TSPAN14: variants seen among roughly 807,000 people sequenced by gnomAD.
TSPAN14 encodes the protein tetraspanin-14.
TSPAN14 carries 16 observed loss-of-function variants against 36.6 expected under a neutral mutation model. That is an observed-to-expected ratio of 0.44 (90% CI 0.30 to 0.66). The LOEUF (loss-of-function observed/expected upper bound fraction) is 0.66, where lower values mean the gene tolerates loss of function less well. Among genes scored for constraint, TSPAN14 ranks in the 30% least tolerant of loss-of-function variants. TSPAN14 has a pLI of 0.12. For synonymous variants in TSPAN14, 139 were observed against 143.8 expected, an observed-to-expected ratio of 0.97 and a Z score of 0.24; for missense variants, 231 against 355.1, an observed-to-expected ratio of 0.65 and a Z score of 2.81.
chr10:80,513,428 C>T (rs1840762769), intron 6 of TSPAN14, among the ~76,000 whole-genome samples: 1 of 152,142 alleles, frequency 6.6e-6, no homozygotes, highest in South Asian at 2.1e-4. Flanking sequence ...GTTCTGCAGC[C>T]CAGGAGAGGC....
chr10:80,465,624 A>G (rs1846197626), intron 1 of TSPAN14, among the ~76,000 whole-genome samples: 1 of 152,202 alleles, frequency 6.6e-6, no homozygotes, highest in South Asian at 2.1e-4. Context: ...TGACACCTAC[A>G]GTGGGAACAG....
In TSPAN14 at chr10:80,509,216, G is replaced by C; in HGVS notation, c.280-85G>C. On this transcript the variant is annotated intron_variant, in intron 4 of 8. Transcript: ENST00000429989. The surrounding 1 kb of genome is among the most constrained non-coding windows in gnomAD (Gnocchi z 4.7). ...CAGAGCCCACGCTCTGCTGAGGATG[G>C]TGGTTCTGGGTCAGGTGGGGTTATG... 1 of 1,451,974 alleles carries C rather than the reference G, an allele frequency of 6.9e-7. No individual in the cohort carries two copies. The highest frequency in any genetic ancestry group is 9.4e-7 in the Non-Finnish European group (1 of 1,061,156). The allele number at this position is 1,451,974 out of a possible 1,614,324, so 89.9% of individuals were successfully genotyped here. A position where few individuals can be genotyped will look rare whatever the true frequency, so the allele number is the denominator to read the frequency against.
intron 1 of TSPAN14, among the ~76,000 whole-genome samples, chr10:80,461,906 C>G (rs1352010518): frequency 1.4e-5 from 2 of 146,770 alleles, no homozygotes; most frequent in East Asian, 3.9e-4. Flanking sequence ...TGTGAGATCT[C>G]ATTTGTGCCT....
intron 2 of TSPAN14, among the ~76,000 whole-genome samples, chr10:80,494,113 C>T (rs1245761729): frequency 2.0e-5 from 3 of 152,168 alleles, no homozygotes; most frequent in Non-Finnish European, 4.4e-5. Flanking sequence ...CAGGAAAGTC[C>T]TTTGCTTGCC....
intron 1 of TSPAN14, among the ~76,000 whole-genome samples, chr10:80,460,759 T>TG (rs1440664391): frequency 1.3e-5 from 2 of 152,194 alleles, no homozygotes; most frequent in Non-Finnish European, 2.9e-5. Context: ...CGCATGGACC[T>TG]GGGTCCTTGT....
At chr10:80,471,244 CTT>C (rs1846535906) in intron 1 of TSPAN14, among the ~76,000 whole-genome samples, 2 of 152,100 alleles carry the variant, frequency 1.3e-5, no homozygotes, top group African/African-American at 4.8e-5. Flanking sequence ...AGAAACAAGT[CTT>C]TAGGTGTTTG....
In TSPAN14 at chr10:80,509,342, T is replaced by A; in HGVS notation, c.321T>A (p.Ala107=). ...TGCTCATCTTCTTCCTGGAGCTGGC[T>A]GTGGCCGTGCTGGCCTTCCTGTTCC... The change falls in exon 5 of 9, where the codon GCT becomes GCA. Residue 107 remains alanine (A), a synonymous_variant. Coordinates refer to ENST00000429989, the Ensembl canonical transcript of TSPAN14. The surrounding 1 kb of genome is among the most constrained non-coding windows in gnomAD (Gnocchi z 4.7). The A allele has an allele frequency of 6.2e-7, 1 of 1,614,156 alleles. No homozygotes were observed. The highest frequency in any genetic ancestry group is 8.5e-7 in the Non-Finnish European group (1 of 1,180,026).
intron 7 of TSPAN14, among the ~76,000 whole-genome samples, chr10:80,515,187 A>G (rs1840872069): frequency 1.3e-5 from 2 of 152,212 alleles, no homozygotes; most frequent in Non-Finnish European, 2.9e-5. Context: ...GTCACAACAT[A>G]CCACAGACAG....
At chr10:80,466,330 T>C (rs921275654) in intron 1 of TSPAN14, 1 of 152,164 alleles carries the variant, frequency 6.6e-6, no homozygotes, top group Non-Finnish European at 1.5e-5. Flanking sequence ...TATGGTTTAG[T>C]GTAGCCCCCA....
At chr10:80,517,342 A>C (rs956024117) in intron 8 of TSPAN14, among the ~76,000 whole-genome samples, 1 of 152,246 alleles carries the variant, frequency 6.6e-6, no homozygotes, top group African/African-American at 2.4e-5. Context: ...AGGGAAAAAA[A>C]GCCATTTCCA....
chr10:80,481,429 A>G (rs916068103), intron 1 of TSPAN14, among the ~76,000 whole-genome samples: 10 of 152,240 alleles, frequency 6.6e-5, no homozygotes, highest in African/African-American at 9.6e-5. Flanking sequence ...AAGAAGTTGT[A>G]CGGGAAAAGA....
At chr10:80,520,868 T>G (rs1423633077) in exon 9 of TSPAN14, 1 of 526,476 alleles carries the variant, frequency 1.9e-6, no homozygotes, top group Non-Finnish European at 3.9e-6. Context: ...GCTTCTCTGC[T>G]TCAGAGGCCC....
intron 1 of TSPAN14, among the ~76,000 whole-genome samples, chr10:80,459,083 C>T (rs1417216135): frequency 1.3e-5 from 2 of 152,098 alleles, no homozygotes; most frequent in Non-Finnish European, 2.9e-5. Context: ...CATTAGTACC[C>T]TGAGAAGCAA....
intron 2 of TSPAN14, among the ~76,000 whole-genome samples, chr10:80,492,706 C>T (rs1224141769): frequency 6.6e-6 from 1 of 152,100 alleles, no homozygotes; most frequent in Non-Finnish European, 1.5e-5. Context: ...GCCCCAGCTA[C>T]TCAGGAGGCT....
chr10:80,477,238 T>G (rs1846969694), intron 1 of TSPAN14, among the ~76,000 whole-genome samples: 1 of 152,234 alleles, frequency 6.6e-6, no homozygotes, highest in Non-Finnish European at 1.5e-5. Flanking sequence ...TAAGATCAGT[T>G]GATTAGTAAC....
At chr10:80,513,111 T>A (rs1840748780) in intron 6 of TSPAN14, among the ~76,000 whole-genome samples, 2 of 152,156 alleles carry the variant, frequency 1.3e-5, no homozygotes, top group Non-Finnish European at 1.5e-5. Flanking sequence ...TTGCCCCGGC[T>A]GGTCTTAAAC....
chr10:80,514,822 G>A (rs1374012684), intron 7 of TSPAN14, among the ~76,000 whole-genome samples: 2 of 152,136 alleles, frequency 1.3e-5, no homozygotes, highest in African/African-American at 4.8e-5. Context: ...TAAGAGGTGG[G>A]GTCTTGGGGA....
chr10:80,486,747 C>T (rs569264699), intron 1 of TSPAN14, among the ~76,000 whole-genome samples: 3 of 152,246 alleles, frequency 2.0e-5, no homozygotes, highest in South Asian at 2.1e-4. Flanking sequence ...GAGTTTCTAC[C>T]GCTTAGAACA....
intron 1 of TSPAN14, among the ~76,000 whole-genome samples, chr10:80,455,110 TCTC>T (rs1845676456): frequency 6.6e-6 from 1 of 152,054 alleles, no homozygotes; most frequent in African/African-American, 2.4e-5. Flanking sequence ...CGCTGCTGCT[TCTC>T]CTCCACCCCC....
Sources: gnomAD v4.1 joint callset for allele counts (sites outside exome capture counted in the v4.1 genomes callset) on GRCh38, gnomAD v4.1.1 for gene constraint, Gnocchi (gnomAD v3.1) non-coding constraint, MANE v1.5 for transcripts, NCBI Gene and HGNC (gene_info 2026-07-23, HGNC 2026-07-21) for gene names.